Variants in APP observed in about 807,000 individuals in gnomAD.
APP encodes the protein amyloid-beta precursor protein.
APP carries 31 observed loss-of-function variants against 101.4 expected under a neutral mutation model. The observed-to-expected ratio is 0.31, with a 90% CI of 0.23 to 0.41. APP has a LOEUF of 0.41. APP is among the 10% of genes least tolerant of loss of function. The probability of loss-of-function intolerance (pLI) is 1.00; values close to 1 mark genes in which losing one functional copy is unlikely to be tolerated. For missense variants in APP, 839 were observed against 1,003.7 expected (o/e 0.84, Z 2.22); for synonymous variants, 366 against 364.4 (o/e 1.00, Z -0.05).
intron 1 of APP, among the ~76,000 whole-genome samples, chr21:26,161,770 A>C (rs2063495337): frequency 6.6e-6 from 1 of 152,188 alleles, no homozygotes; most frequent in South Asian, 2.1e-4. Context: ...ATAATAAGCA[A>C]TTGAGAGCAT....
chr21:25,920,356 G>A (rs2039569552), intron 13 of APP, among the ~76,000 whole-genome samples: 2 of 152,108 alleles, frequency 1.3e-5, no homozygotes, highest in Non-Finnish European at 1.5e-5. Flanking sequence ...CATAATGACA[G>A]GATCAAATTC....
chr21:26,131,942 T>C (rs1398379944), intron 1 of APP, among the ~76,000 whole-genome samples: 2 of 151,010 alleles, frequency 1.3e-5, no homozygotes, highest in African/African-American at 4.9e-5. Flanking sequence ...TTTTCTTAAA[T>C]AAGGAAAAAC....
intron 1 of APP, among the ~76,000 whole-genome samples, chr21:26,123,441 T>C (rs2062616753): frequency 6.6e-6 from 1 of 152,230 alleles, no homozygotes; most frequent in Non-Finnish European, 1.5e-5. Context: ...GATTACTTCT[T>C]TTCCTGCAGA....
intron 4 of APP, 73 bp from the exon 5 acceptor site, chr21:26,051,266 TAATC>T (rs977288057): frequency 1.4e-6 from 2 of 1,425,634 alleles, no homozygotes; most frequent in African/African-American, 2.8e-5. Context: ...CCACATAAAA[TAATC>T]AACATGCAGA....
chr21:26,140,227 G>A lies in APP; in HGVS notation c.58-28081C>T, dbSNP rs548862636. 161 of 1,536,100 alleles carry A rather than the reference G, an allele frequency of 1.0e-4. 1 individual carries two copies. In the South Asian group the frequency reaches 1.9e-3, roughly 18 times the overall value. On this transcript the variant is annotated intron_variant, in intron 1 of 17. Coordinates refer to ENST00000346798, the MANE Select transcript of APP (RefSeq NM_000484.4). The stretch of plus-strand genomic sequence containing the variant: ...TGGGGAAGAGCTGGCTCCAATCATT[G>A]TCAATTACATCAGCAACTGTGGAAT...
intron 1 of APP, among the ~76,000 whole-genome samples, chr21:26,168,387 T>G (rs1340182116): frequency 1.3e-5 from 2 of 152,212 alleles, no homozygotes; most frequent in Non-Finnish European, 2.9e-5. Flanking sequence ...TAGACTGAAT[T>G]ACCTACCCTT....
intron 13 of APP, among the ~76,000 whole-genome samples, chr21:25,918,892 G>T (rs902484979): frequency 6.8e-6 from 1 of 147,298 alleles, no homozygotes; most frequent in Non-Finnish European, 1.5e-5. Context: ...GCTCAAGGAG[G>T]CCTGCTTGCC....
intron 1 of APP, among the ~76,000 whole-genome samples, 168 bp downstream of exon 1, chr21:26,170,396 G>GGGCCGAAAGCGGGGATGCGCTGGAC (rs2063719928): frequency 6.6e-6 from 1 of 152,186 alleles, no homozygotes; most frequent in South Asian, 2.1e-4. Context: ...GGGCAGGGCT[G>GGGCCGAAAGCGGGGATGCGCTGGAC]GGCCGAAAGC....
intron 1 of APP, among the ~76,000 whole-genome samples, chr21:26,138,887 T>C (rs1302524233): frequency 6.6e-6 from 1 of 152,162 alleles, no homozygotes; most frequent in Non-Finnish European, 1.5e-5. Flanking sequence ...CCCTTGTTGG[T>C]CAAAGAAGAG....
intron 2 of APP, among the ~76,000 whole-genome samples, chr21:26,098,081 G>GAAAAAA (rs757879199): frequency 1.5e-4 from 8 of 54,372 alleles, no homozygotes; most frequent in Admixed American, 7.3e-4. Flanking sequence ...CTCTGTCTCA[G>GAAAAAA]AAAAAAAAAA....
rs906457819 is a variant in APP at position 25,960,385 on chromosome 21, T to C, written c.1459-4630A>G. On this transcript the variant is annotated intron_variant, in intron 11 of 17. Transcript: ENST00000346798. ...TGTTCTTGGAGGCCTGTAGAGTTTCTTCAGACTCCCAGTAAAACTTGTTAA... is the reference window on the plus strand; with the variant it reads ...TGTTCTTGGAGGCCTGTAGAGTTTCCTCAGACTCCCAGTAAAACTTGTTAA... 2.6e-5 allele frequency among the ~76,000 whole-genome samples: 4 copies of C among 152,152 alleles called. No individual in the cohort carries two copies. The East Asian group carries it at 5.8e-4, about 22-fold the overall frequency.
intron 1 of APP, among the ~76,000 whole-genome samples, chr21:26,162,016 CTGAG>C (rs1214430687): frequency 1.3e-5 from 2 of 152,054 alleles, no homozygotes; most frequent in Non-Finnish European, 2.9e-5. Flanking sequence ...AACAAAATAA[CTGAG>C]TAATGATATT....
intron 11 of APP, among the ~76,000 whole-genome samples, chr21:25,959,975 C>T (rs534049623): frequency 1.3e-5 from 2 of 152,128 alleles, no homozygotes; most frequent in African/African-American, 4.8e-5. Flanking sequence ...ATAATGTTCC[C>T]GGACTGAACT....
intron 3 of APP, among the ~76,000 whole-genome samples, chr21:26,066,231 C>T (rs2046447826): frequency 6.6e-6 from 1 of 152,172 alleles, no homozygotes; most frequent in Admixed American, 6.5e-5. Flanking sequence ...GCTGTTCCTT[C>T]CGGCAGTAAG....
intron 8 of APP, among the ~76,000 whole-genome samples, chr21:25,987,796 T>C (rs1186083483): frequency 1.3e-5 from 2 of 152,190 alleles, no homozygotes; most frequent in Non-Finnish European, 2.9e-5. Context: ...GTTCATTCTT[T>C]TATTCCTCCA....
chr21:25,951,668 A>G (rs760062494), intron 13 of APP, among the ~76,000 whole-genome samples: 2 of 152,232 alleles, frequency 1.3e-5, no homozygotes, highest in Non-Finnish European at 2.9e-5. Context: ...TATTAGAACG[A>G]CTACAAGACA....
intron 3 of APP, among the ~76,000 whole-genome samples, chr21:26,073,198 A>G (rs2061439382): frequency 6.6e-6 from 1 of 152,076 alleles, no homozygotes; most frequent in Non-Finnish European, 1.5e-5. Flanking sequence ...GATATTTAGA[A>G]TTTCTGAATT....
intron 5 of APP, among the ~76,000 whole-genome samples, chr21:26,036,668 G>A (rs888726949): frequency 5.9e-5 from 9 of 152,182 alleles, no homozygotes; most frequent in Middle Eastern, 3.2e-3. Flanking sequence ...ACAGAGAATG[G>A]AACATACATA....
At chr21:26,102,439 T>C (rs1314902339) in intron 2 of APP, among the ~76,000 whole-genome samples, 1 of 151,968 alleles carries the variant, frequency 6.6e-6, no homozygotes, top group Non-Finnish European at 1.5e-5. Context: ...AACAGGACAA[T>C]AAAATCTAAC....
Sources: gnomAD v4.1 joint callset for allele counts (sites outside exome capture counted in the v4.1 genomes callset) on GRCh38, gnomAD v4.1.1 for gene constraint, MANE v1.5 for transcripts, NCBI Gene and HGNC (gene_info 2026-07-23, HGNC 2026-07-21) for gene names.